Variants in SLIT2 observed in about 807,000 individuals in gnomAD.
The protein encoded by SLIT2 is slit guidance ligand 2.
SLIT2 carries 41 observed loss-of-function variants against 185.7 expected under a neutral mutation model. The ratio of observed to expected loss-of-function variants is 0.22; its 90% CI spans 0.17 to 0.29. The LOEUF is 0.29. Ranked by LOEUF, SLIT2 falls within the 10% of genes least tolerant of loss-of-function variation. SLIT2 has a pLI of 1.00. For missense variants in SLIT2, 1,571 were observed against 1,909.0 expected (o/e 0.82, Z 3.30); for synonymous variants, 693 against 680.2 (o/e 1.02, Z -0.29).
intron 29 of SLIT2, among the ~76,000 whole-genome samples, chr4:20,578,671 G>A (rs1236363116): frequency 6.6e-6 from 1 of 152,078 alleles, no homozygotes; most frequent in African/African-American, 2.4e-5. Context: ...ATTAGCAGAA[G>A]GTAGCAACAG....
At chr4:20,548,751 CAA>C (rs1454896902) in intron 23 of SLIT2, among the ~76,000 whole-genome samples, 192 bp downstream of exon 23, 1 of 151,832 alleles carries the variant, frequency 6.6e-6, no homozygotes, top group Non-Finnish European at 1.5e-5. Flanking sequence ...TTAAAAAAAA[CAA>C]AGAATAATTT....
chr4:20,348,026 C>T (rs1181035961), intron 4 of SLIT2, among the ~76,000 whole-genome samples: 1 of 152,236 alleles, frequency 6.6e-6, no homozygotes, highest in Admixed American at 6.5e-5. Flanking sequence ...AGTCTGGATG[C>T]TGTTGGTATA....
chr4:20,617,753 G>C (rs73801881), intron 36 of SLIT2, 103 bp downstream of exon 36: 8 of 734,818 alleles, frequency 1.1e-5, no homozygotes, highest in Non-Finnish European at 2.2e-6. Context: ...AAAAAAACAG[G>C]AGCAACAGAG....
At chr4:20,320,748 A>C (rs1719009384) in intron 4 of SLIT2, among the ~76,000 whole-genome samples, 1 of 152,182 alleles carries the variant, frequency 6.6e-6, no homozygotes, top group Non-Finnish European at 1.5e-5. Context: ...ATTTTTGTAC[A>C]GGATGTACAG....
At chr4:20,332,132 G>A (rs1056063424) in intron 4 of SLIT2, among the ~76,000 whole-genome samples, 1 of 152,064 alleles carries the variant, frequency 6.6e-6, no homozygotes. Context: ...ATTCTCTTGT[G>A]TATATACCTG....
At chr4:20,489,115 A>G in intron 8 of SLIT2, 133 bp downstream of exon 8, 1 of 560,994 alleles carries the variant, frequency 1.8e-6, no homozygotes, top group South Asian at 4.9e-5. Context: ...CTCTACAGAG[A>G]TCCTCTTTTT....
intron 4 of SLIT2, among the ~76,000 whole-genome samples, chr4:20,445,094 C>T (rs902731317): frequency 6.6e-6 from 1 of 152,206 alleles, no homozygotes; most frequent in Non-Finnish European, 1.5e-5. Flanking sequence ...GTCCTGCTAA[C>T]AATCATGTCA....
chr4:20,435,901 T>C (rs1421604788), intron 4 of SLIT2, among the ~76,000 whole-genome samples: 2 of 152,076 alleles, frequency 1.3e-5, no homozygotes, highest in Non-Finnish European at 2.9e-5. Context: ...TGACTAGGAG[T>C]ACATGTGAGG....
chr4:20,538,615 T>C (rs1045087254), intron 18 of SLIT2, among the ~76,000 whole-genome samples: 2 of 152,164 alleles, frequency 1.3e-5, no homozygotes, highest in African/African-American at 4.8e-5. Flanking sequence ...ATACGATTTA[T>C]GGCAACTATT....
intron 5 of SLIT2, among the ~76,000 whole-genome samples, chr4:20,477,875 T>A (rs16869642): frequency 6.6e-6 from 1 of 152,130 alleles, no homozygotes; most frequent in African/African-American, 2.4e-5. Context: ...GCAAATCACA[T>A]CTGAAGAAGG....
intron 4 of SLIT2, among the ~76,000 whole-genome samples, chr4:20,415,620 A>G (rs1386412820): frequency 2.6e-5 from 4 of 152,160 alleles, no homozygotes; most frequent in Non-Finnish European, 5.9e-5. Context: ...GTTAAGATCC[A>G]TAAGGCAATT....
At chr4:20,571,247 T>A (rs1042864802) in intron 29 of SLIT2, among the ~76,000 whole-genome samples, 1 of 152,160 alleles carries the variant, frequency 6.6e-6, no homozygotes. Context: ...TTTTTACTTA[T>A]AACTATTGCA....
At chr4:20,495,389 G>T (rs564900144) in intron 9 of SLIT2, among the ~76,000 whole-genome samples, 145 of 152,152 alleles carry the variant, frequency 9.5e-4, no homozygotes, top group African/African-American at 3.2e-3. Flanking sequence ...GGAGCGAATT[G>T]GTCAAATCCA....
chr4:20,476,220 A>T (rs1215923418), intron 5 of SLIT2, among the ~76,000 whole-genome samples: 2 of 152,148 alleles, frequency 1.3e-5, no homozygotes, highest in African/African-American at 4.8e-5. Flanking sequence ...AGACATTTGT[A>T]TTGACTTGAA....
chr4:20,603,859 CAG>C (rs775670988), intron 33 of SLIT2, among the ~76,000 whole-genome samples: 19 of 152,298 alleles, frequency 1.2e-4, no homozygotes, highest in Non-Finnish European at 2.1e-4. Flanking sequence ...ATTGGGGAGA[CAG>C]AGAGTAGACA....
At chr4:20,297,650 A>T (rs1032902007) in intron 4 of SLIT2, among the ~76,000 whole-genome samples, 1 of 151,622 alleles carries the variant, frequency 6.6e-6, no homozygotes, top group African/African-American at 2.4e-5. Flanking sequence ...AGTTGTTAAG[A>T]GATGCAATAT....
intron 9 of SLIT2, among the ~76,000 whole-genome samples, chr4:20,497,843 G>A (rs1718366748): frequency 6.6e-6 from 1 of 152,076 alleles, no homozygotes; most frequent in African/African-American, 2.4e-5. Context: ...AATCTAGAGA[G>A]CTTGCAGGCC....
intron 11 of SLIT2, among the ~76,000 whole-genome samples, chr4:20,518,255 A>ATATTT (rs1553916513): frequency 3.4e-5 from 3 of 87,488 alleles, no homozygotes; most frequent in African/African-American, 8.1e-5. Flanking sequence ...ATATATATAT[A>ATATTT]TTTTTTTTTT....
At chr4:20,504,230 G>A (rs1467380871) in intron 9 of SLIT2, among the ~76,000 whole-genome samples, 1 of 152,156 alleles carries the variant, frequency 6.6e-6, no homozygotes, top group Non-Finnish European at 1.5e-5. Flanking sequence ...TGAGGAGAAT[G>A]TGTTGGCTAC....
Sources: gnomAD v4.1 joint callset for allele counts (sites outside exome capture counted in the v4.1 genomes callset) on GRCh38, gnomAD v4.1.1 for gene constraint, MANE v1.5 for transcripts, NCBI Gene and HGNC (gene_info 2026-07-23, HGNC 2026-07-21) for gene names.